Variants in FOXP2 observed in about 807,000 individuals in gnomAD.
FOXP2 encodes forkhead box protein P2.
FOXP2 carries 12 observed loss-of-function variants against 115.8 expected under a neutral mutation model. The ratio of observed to expected loss-of-function variants is 0.10; its 90% CI spans 0.07 to 0.17. The LOEUF (loss-of-function observed/expected upper bound fraction) is 0.17, where lower values mean the gene tolerates loss of function less well. FOXP2 is among the 10% of genes least tolerant of loss of function. The pLI is 1.00. For synonymous variants in FOXP2, 328 were observed against 297.7 expected (o/e 1.10, Z -1.05); for missense variants, 629 against 843.5 (o/e 0.75, Z 3.15).
chr7:114,431,309 A>G (rs1794098457), intron 2 of FOXP2, among the ~76,000 whole-genome samples: 1 of 151,848 alleles, frequency 6.6e-6, no homozygotes, highest in Non-Finnish European at 1.5e-5. Flanking sequence ...TTCACAGCCA[A>G]TTGTTACTGT....
chr7:114,509,813 A>G (rs1202232398), intron 2 of FOXP2, among the ~76,000 whole-genome samples: 2 of 152,048 alleles, frequency 1.3e-5, no homozygotes, highest in Non-Finnish European at 2.9e-5. Context: ...ATAAAAATCT[A>G]TGAGTTGTCA....
intron 14 of FOXP2, 119 bp from the exon 15 acceptor site, chr7:114,663,331 A>T: frequency 1.4e-6 from 1 of 706,750 alleles, no homozygotes; most frequent in Non-Finnish European, 2.4e-6. Context: ...GGCCTTATAT[A>T]CATCCAGTAT....
At chr7:114,298,313 A>G (rs1796794139) in intron 2 of FOXP2, among the ~76,000 whole-genome samples, 1 of 152,046 alleles carries the variant, frequency 6.6e-6, no homozygotes, top group Non-Finnish European at 1.5e-5. Flanking sequence ...CTTTGTCTTT[A>G]TGCTTCATTC....
At chr7:114,412,225 A>T (rs1006607745), upstream of FOXP2, among the ~76,000 whole-genome samples, 5 of 152,146 alleles carry the variant, frequency 3.3e-5, no homozygotes, top group Admixed American at 1.3e-4. Flanking sequence ...TTTTTTACTT[A>T]GTGGCATCTT....
At chr7:114,408,199 A>G (rs977820156) in intron 2 of FOXP2, among the ~76,000 whole-genome samples, 5 of 152,172 alleles carry the variant, frequency 3.3e-5, no homozygotes, top group African/African-American at 1.2e-4. Flanking sequence ...ACATCAGAAG[A>G]AAACTAAATG....
intron 2 of FOXP2, among the ~76,000 whole-genome samples, chr7:114,390,065 G>C (rs1475744122): frequency 7.7e-6 from 1 of 129,166 alleles, no homozygotes; most frequent in South Asian, 2.7e-4. Context: ...TAAAAAAAAA[G>C]ATTAGTGACA....
At chr7:114,099,413 C>T (rs981531461) in intron 1 of FOXP2, among the ~76,000 whole-genome samples, 3 of 152,032 alleles carry the variant, frequency 2.0e-5, no homozygotes, top group African/African-American at 7.2e-5. Flanking sequence ...ACCTCTTGTC[C>T]GCTTTGGTGT....
intron 2 of FOXP2, among the ~76,000 whole-genome samples, chr7:114,514,972 G>T (rs1346918143): frequency 6.6e-6 from 1 of 151,072 alleles, no homozygotes; most frequent in Non-Finnish European, 1.5e-5. Flanking sequence ...GCGGTGTTTG[G>T]TTTTTTGTTC....
Position 114,605,554 on chromosome 7 carries a change from G to T in FOXP2, c.259-22986G>T, listed in dbSNP as rs1803272252. Among the ~76,000 whole-genome samples, 7 of 152,288 alleles carry T rather than the reference G, an allele frequency of 4.6e-5. No individual in the cohort carries two copies. The South Asian group carries it at 1.4e-3, about 32-fold the overall frequency. On this transcript the variant is annotated intron_variant, in intron 3 of 16. Coordinates refer to ENST00000350908, the MANE Select transcript of FOXP2 (RefSeq NM_014491.4). ...AAAATTAAAGTAAGGGGATAGTAGA[G>T]AAATAATTTATTGCTAATCCAGGTG... is the stretch of plus-strand genomic sequence containing the variant.
chr7:114,264,248 G>A (rs1795838536), intron 1 of FOXP2, among the ~76,000 whole-genome samples: 1 of 152,162 alleles, frequency 6.6e-6, no homozygotes. Flanking sequence ...GAATGTATGT[G>A]TGATTTTTAA....
At position 114,692,897 on chromosome 7, in the gene FOXP2, C is replaced by T. The variant is rs749527908; in HGVS notation, c.*2971C>T. On this transcript the variant is annotated 3_prime_UTR_variant, in exon 17 of 17. Coordinates refer to ENST00000350908, the MANE Select transcript of FOXP2 (RefSeq NM_014491.4). ...GTGTACTATGTTCATACTTTGAATTCTCTGACGTTAGAAGTCATGGTTGAG... is the reference window on the plus strand; with the variant it reads ...GTGTACTATGTTCATACTTTGAATTTTCTGACGTTAGAAGTCATGGTTGAG... 5 of 453,948 alleles carry T rather than the reference C, an allele frequency of 1.1e-5. No individual in the cohort carries two copies. The highest frequency in any genetic ancestry group is 7.8e-5 in the South Asian group (5 of 64,462). 28.1% of individuals were successfully genotyped at this position (453,948 alleles called of 1,614,324 possible).
intron 1 of FOXP2, among the ~76,000 whole-genome samples, chr7:114,246,561 A>C (rs1452867252): frequency 6.6e-6 from 1 of 152,140 alleles, no homozygotes. Flanking sequence ...TATTGAGTAC[A>C]TATTATAGAT....
chr7:114,232,779 C>T (rs1038159254), intron 1 of FOXP2, among the ~76,000 whole-genome samples: 1 of 150,552 alleles, frequency 6.6e-6, no homozygotes, highest in African/African-American at 2.5e-5. Flanking sequence ...TGCCATTGCG[C>T]TCTAGCCTGG....
chr7:114,620,773 T>C (rs1469996186), intron 3 of FOXP2, among the ~76,000 whole-genome samples: 2 of 152,048 alleles, frequency 1.3e-5, no homozygotes, highest in African/African-American at 4.8e-5. Context: ...TGCCATAGAA[T>C]ATGTTGGGTT....
chr7:114,610,060 CTT>C (rs1803546732), intron 3 of FOXP2, among the ~76,000 whole-genome samples: 1 of 152,200 alleles, frequency 6.6e-6, no homozygotes. Flanking sequence ...TCACCAAAAA[CTT>C]TGAAAGAAGT....
At chr7:114,533,054 G>C (rs1799215238) in intron 2 of FOXP2, among the ~76,000 whole-genome samples, 1 of 151,888 alleles carries the variant, frequency 6.6e-6, no homozygotes, top group Admixed American at 6.6e-5. Context: ...GAGTTCACTG[G>C]AATGTGCCAT....
intron 3 of FOXP2, among the ~76,000 whole-genome samples, chr7:114,599,441 G>T (rs1563025295): frequency 6.6e-6 from 1 of 152,066 alleles, no homozygotes; most frequent in Non-Finnish European, 1.5e-5. Flanking sequence ...AACTTTGGAA[G>T]AATTCACTGG....
At position 114,233,528 on chromosome 7, in the gene FOXP2, G is replaced by C. The variant is rs1794937574; in HGVS notation, c.-101-54491G>C. On this transcript the variant is annotated intron_variant, in intron 1 of 17. Coordinates refer to the FOXP2 transcript ENST00000634411. The stretch of plus-strand genomic sequence containing the variant: ...TGTGCTTCCATGAGGCCCTTCAAGG[G>C]CTATGGGAATGGAGTGGATTAGCTG... Among the ~76,000 whole-genome samples the C allele has an allele frequency of 2.6e-5, 4 of 152,198 alleles. No individual in the cohort carries two copies. In the South Asian group the frequency reaches 8.3e-4, roughly 31 times the overall value.
chr7:114,542,794 GT>G (rs201884118), intron 3 of FOXP2, among the ~76,000 whole-genome samples: 13,772 of 138,820 alleles, frequency 0.099, 598 homozygotes, highest in Middle Eastern at 0.17. Context: ...TTTGTTTTTT[GT>G]TTTTTTTTTT....
Sources: gnomAD v4.1 joint callset for allele counts (sites outside exome capture counted in the v4.1 genomes callset) on GRCh38, gnomAD v4.1.1 for gene constraint, MANE v1.5 for transcripts, NCBI Gene and HGNC (gene_info 2026-07-23, HGNC 2026-07-21) for gene names.